Variants in KCNQ5 observed in about 807,000 individuals in gnomAD.
KCNQ5 encodes potassium voltage-gated channel subfamily Q member 5, also known as potassium voltage-gated channel subfamily KQT member 5.
A neutral mutation model predicts 98.2 loss-of-function variants in KCNQ5; 30 were observed. The observed-to-expected ratio is 0.31, with a 90% CI of 0.23 to 0.41. The LOEUF is 0.41. Ranked by LOEUF, KCNQ5 falls within the 10% of genes least tolerant of loss-of-function variation. The pLI is 1.00. For synonymous variants in KCNQ5, 458 were observed against 449.4 expected (o/e 1.02, Z -0.24); for missense variants, 835 against 1,182.5 (o/e 0.71, Z 4.31).
At chr6:72,714,130 G>T (rs902588406) in intron 1 of KCNQ5, among the ~76,000 whole-genome samples, 6 of 152,222 alleles carry the variant, frequency 3.9e-5, no homozygotes, top group Non-Finnish European at 8.8e-5. Context: ...CTGTGGAGCA[G>T]ATTCTGAGCA....
chr6:72,622,297 G>T lies in KCNQ5; in HGVS notation c.108G>T (p.Met36Ile). Reference protein sequence around the residue: ...AAGGGRLGSGMKDVESGRGRV... With the variant: ...AAGGGRLGSGIKDVESGRGRV... ...GCGGGGGGCGCTTGGGCAGCGGCAT[G>T]AAGGATGTGGAGTCCGGCCGGGGCA... Residue 36 changes from methionine to isoleucine, a missense_variant, in exon 1 of 14, where the codon ATG becomes ATT. Met to Ile is a conservative substitution (Grantham distance 10). Around this residue, in one of 10 missense-constraint regions of KCNQ5, gnomAD observed 80 missense variants for 72.3 expected, o/e 1.11. Transcript: ENST00000370398. The surrounding 1 kb of genome is among the most constrained non-coding windows in gnomAD (Gnocchi z 6.0). 7.6e-7 allele frequency: 1 copy of T among 1,323,638 alleles called. No homozygotes were observed. Among genetic ancestry groups the T allele is most frequent in the South Asian group, 2.2e-5 (1 of 44,888 alleles). The allele number at this position is 1,323,638 out of a possible 1,614,324, so 82.0% of individuals were successfully genotyped here. A position where few individuals can be genotyped will look rare whatever the true frequency, so the allele number is the denominator to read the frequency against.
intron 3 of KCNQ5, chr6:73,055,010 A>G (rs1007978321): frequency 2.1e-6 from 1 of 480,566 alleles, no homozygotes; most frequent in African/African-American, 2.0e-5. Context: ...TACAAAGTCA[A>G]TGTACAAAAA....
At chr6:72,966,990 A>G (rs912577732) in intron 1 of KCNQ5, among the ~76,000 whole-genome samples, 1 of 152,234 alleles carries the variant, frequency 6.6e-6, no homozygotes, top group African/African-American at 2.4e-5. Flanking sequence ...AGAGGAAGAT[A>G]TAGAAGGACA....
intron 1 of KCNQ5, among the ~76,000 whole-genome samples, chr6:72,934,560 G>A (rs1765821956): frequency 6.6e-6 from 1 of 152,182 alleles, no homozygotes; most frequent in African/African-American, 2.4e-5. Context: ...GATTTCAAAG[G>A]TGATCTGAAC....
chr6:72,714,973 T>G (rs538247406), intron 1 of KCNQ5, among the ~76,000 whole-genome samples: 11 of 152,314 alleles, frequency 7.2e-5, no homozygotes, highest in East Asian at 3.9e-4. Context: ...GTGAGCCAAT[T>G]GTTTTTTGTA....
intron 1 of KCNQ5, among the ~76,000 whole-genome samples, chr6:72,705,163 A>T (rs993860415): frequency 2.0e-5 from 3 of 152,140 alleles, no homozygotes; most frequent in Non-Finnish European, 2.9e-5. Context: ...AGGTGGTGAC[A>T]TTCTGGATAC....
intron 3 of KCNQ5, among the ~76,000 whole-genome samples, chr6:73,056,332 C>A (rs550377496): frequency 5.3e-5 from 8 of 152,160 alleles, no homozygotes; most frequent in African/African-American, 1.9e-4. Context: ...TCCCTGACCC[C>A]AGAGGAACTG....
intron 1 of KCNQ5, among the ~76,000 whole-genome samples, chr6:72,954,091 C>A (rs13206405): frequency 0.18 from 26,644 of 152,142 alleles, 2,488 homozygotes; most frequent in East Asian, 0.24. Flanking sequence ...CTCAGCACAA[C>A]CACGTAAGAA....
chr6:73,055,673 C>T, intron 3 of KCNQ5: 1 of 1,130,092 alleles, frequency 8.8e-7, no homozygotes, highest in Non-Finnish European at 1.3e-6. Context: ...CACTGACAAG[C>T]ATCTGAAGGG....
intron 1 of KCNQ5, among the ~76,000 whole-genome samples, chr6:72,899,448 T>C (rs1779389904): frequency 6.6e-6 from 1 of 152,184 alleles, no homozygotes; most frequent in African/African-American, 2.4e-5. Flanking sequence ...GGTCAAACAA[T>C]ATGAGTAGTT....
intron 2 of KCNQ5, among the ~76,000 whole-genome samples, chr6:73,029,874 G>A (rs1389651991): frequency 2.4e-5 from 3 of 124,386 alleles, no homozygotes; most frequent in African/African-American, 8.9e-5. Flanking sequence ...TTGCGTCACT[G>A]CACTCCAGCG....
At chr6:73,065,110 C>A (rs1270242219) in intron 3 of KCNQ5, among the ~76,000 whole-genome samples, 5 of 151,798 alleles carry the variant, frequency 3.3e-5, no homozygotes, top group Non-Finnish European at 7.4e-5. Flanking sequence ...CAGACTCCAG[C>A]CCCATTCACC....
rs141502016 is a variant in KCNQ5, at chr6:73,083,470, T to G, written c.918+5583T>G. 5.3e-3 allele frequency among the ~76,000 whole-genome samples: 808 copies of G among 152,142 alleles called. 10 individuals carry two copies. The highest frequency in any genetic ancestry group is 0.044 in the East Asian group (229 of 5,168). On this transcript the variant is annotated intron_variant, in intron 5 of 13. Transcript: ENST00000370398. ...ATAGCTCCCACAAAAGTTGAGTTTA[T>G]GCACCACTAAAAAAAAAGTTAATTT...
chr6:73,062,908 A>T (rs964118717), intron 3 of KCNQ5, among the ~76,000 whole-genome samples: 9 of 152,164 alleles, frequency 5.9e-5, no homozygotes, highest in Non-Finnish European at 1.0e-4. Context: ...GAATTTGGAG[A>T]TCAAAGTACT....
At chr6:72,732,411 G>A (rs760936551) in intron 1 of KCNQ5, among the ~76,000 whole-genome samples, 13 of 152,150 alleles carry the variant, frequency 8.5e-5, no homozygotes, top group Non-Finnish European at 1.6e-4. Context: ...GGTGGTGGGA[G>A]GATAGAATTA....
chr6:73,154,525 A>G (rs1777277045), intron 10 of KCNQ5, among the ~76,000 whole-genome samples: 1 of 152,154 alleles, frequency 6.6e-6, no homozygotes, highest in Non-Finnish European at 1.5e-5. Context: ...TTTTATATTA[A>G]TATGGATGAT....
intron 1 of KCNQ5, among the ~76,000 whole-genome samples, chr6:72,831,625 T>A (rs1214714006): frequency 6.6e-6 from 1 of 151,500 alleles, no homozygotes; most frequent in East Asian, 1.9e-4. Flanking sequence ...ATATACCTAA[T>A]GTAAATGACC....
intron 1 of KCNQ5, among the ~76,000 whole-genome samples, chr6:72,666,192 A>G (rs566433911): frequency 3.0e-4 from 44 of 147,928 alleles, no homozygotes; most frequent in Admixed American, 1.2e-3. Flanking sequence ...GTTAAATATC[A>G]TTCATTTTTC....
At chr6:73,053,728 A>G (rs1298934891) in intron 3 of KCNQ5, among the ~76,000 whole-genome samples, 2 of 152,172 alleles carry the variant, frequency 1.3e-5, no homozygotes, top group African/African-American at 4.8e-5. Context: ...TATAGAGCTG[A>G]ATGCCTACAT....
Sources: allele counts gnomAD v4.1 joint callset (sites outside exome capture counted in the v4.1 genomes callset), GRCh38; gene constraint gnomAD v4.1.1; regional missense constraint gnomAD v4.1.1; non-coding constraint Gnocchi (gnomAD v3.1); transcripts MANE v1.5; gene names NCBI Gene and HGNC (gene_info 2026-07-23, HGNC 2026-07-21).